ECE1: variants seen among roughly 807,000 people sequenced by gnomAD.
ECE1 encodes endothelin converting enzyme 1.
ECE1 carries 35 observed loss-of-function variants against 98.6 expected under a neutral mutation model. The observed-to-expected ratio is 0.35, with a 90% CI of 0.27 to 0.47. The LOEUF (loss-of-function observed/expected upper bound fraction) is 0.47. ECE1 is among the 20% of genes least tolerant of loss of function. The pLI is 1.00. For synonymous variants in ECE1, 394 were observed against 407.1 expected (o/e 0.97, Z 0.39); for missense variants, 814 against 1,025.3 (o/e 0.79, Z 2.81).
At chr1:21,256,589 C>G (rs2098220292) in intron 7 of ECE1, 1 of 152,210 alleles carries the variant, frequency 6.6e-6, no homozygotes, top group African/African-American at 2.4e-5. Flanking sequence ...CCGTGGGAGA[C>G]ACAGCATTGA....
chr1:21,285,811 G>A (rs1170800420), intron 2 of ECE1, among the ~76,000 whole-genome samples: 2 of 152,024 alleles, frequency 1.3e-5, no homozygotes, highest in African/African-American at 2.4e-5. Context: ...GGCCAACATG[G>A]TAAAACTCCA....
intron 1 of ECE1, among the ~76,000 whole-genome samples, chr1:21,343,749 G>A (rs1015953222): frequency 1.3e-5 from 2 of 152,204 alleles, no homozygotes; most frequent in African/African-American, 4.8e-5. Flanking sequence ...CAATAGGCTG[G>A]TGGGCTTCTT....
intron 1 of ECE1, among the ~76,000 whole-genome samples, chr1:21,324,461 T>C (rs1049593083): frequency 6.6e-6 from 1 of 152,172 alleles, no homozygotes; most frequent in African/African-American, 2.4e-5. Context: ...ACAGCTGTGG[T>C]TTACTGACTT....
At chr1:21,337,674 C>G (rs548425313) in intron 1 of ECE1, among the ~76,000 whole-genome samples, 25 of 152,346 alleles carry the variant, frequency 1.6e-4, no homozygotes, top group African/African-American at 6.0e-4. Flanking sequence ...TGCCAGCCCT[C>G]AGCTGGGCTA....
At chr1:21,271,556 G>A (rs2098240236) in intron 4 of ECE1, among the ~76,000 whole-genome samples, 2 of 152,042 alleles carry the variant, frequency 1.3e-5, no homozygotes, top group East Asian at 1.9e-4. Flanking sequence ...CAGCATTTAG[G>A]GTCCCAGGAT....
rs185668529 is a variant in ECE1, at chr1:21,246,949, C to T, written c.1163+272G>A. Among the ~76,000 whole-genome samples the T allele has an allele frequency of 2.6e-5, 4 of 152,216 alleles. No homozygotes were observed. In the East Asian group the frequency reaches 5.8e-4, roughly 22 times the overall value. On this transcript the variant is annotated intron_variant, in intron 9 of 18. Coordinates refer to ENST00000374893, the MANE Select transcript of ECE1 (RefSeq NM_001397.3). Reference sequence around the variant, plus strand: ...TCCCGCAATTACGGGCGTTCATGCCCGGCCACAGGTGATATTTGTATCACC... The same window carrying T: ...TCCCGCAATTACGGGCGTTCATGCCTGGCCACAGGTGATATTTGTATCACC...
At chr1:21,271,246 C>T (rs1041755206) in intron 4 of ECE1, among the ~76,000 whole-genome samples, 6 of 152,134 alleles carry the variant, frequency 3.9e-5, no homozygotes, top group East Asian at 1.9e-4. Context: ...TTTTACCTAG[C>T]GGCGGCTCTG....
In ECE1 at chr1:21,319,326, C is replaced by G. The variant is rs1439204646; in HGVS notation, c.3+26050G>C. On this transcript the variant is annotated intron_variant, in intron 1 of 18. Coordinates refer to the ECE1 transcript ENST00000415912. The surrounding 1 kb of genome is among the most constrained non-coding windows in gnomAD (Gnocchi z 4.4). ...CATCACTGCTTTCCAGCCTGGGAGA[C>G]AGAGCGAGACTCCGTCTCAAAATAA... is the stretch of plus-strand genomic sequence containing the variant. 6.6e-6 allele frequency among the ~76,000 whole-genome samples: 1 copy of G among 152,142 alleles called. No individual in the cohort carries two copies. The highest frequency in any genetic ancestry group is 1.5e-5 in the Non-Finnish European group (1 of 68,022).
At position 21,228,058 on chromosome 1, in the gene ECE1, T is replaced by C. The variant is rs1398431636; in HGVS notation, c.1671-17A>G. 18 of 1,548,934 alleles carry C rather than the reference T, an allele frequency of 1.2e-5. No individual in the cohort carries two copies. The highest frequency in any genetic ancestry group is 1.6e-5 in the Non-Finnish European group (18 of 1,144,690). On this transcript the variant is annotated splice_polypyrimidine_tract_variant and intron_variant, in intron 14 of 18. Coordinates refer to ENST00000374893, the MANE Select transcript of ECE1 (RefSeq NM_001397.3). ...ATGCTCCACCTGCAAGCAACACACA[T>C]GCAGGAGGTCTCAGCACAGGGCGGG...
chr1:21,286,081 C>T (rs1342065229), intron 2 of ECE1, among the ~76,000 whole-genome samples: 1 of 151,938 alleles, frequency 6.6e-6, no homozygotes, highest in African/African-American at 2.4e-5. Context: ...AATATCTCAC[C>T]TTTCTTTTTT....
Position 21,258,972 on chromosome 1 carries a change from G to GA in ECE1, c.616-134dup. The GA allele has an allele frequency of 7.8e-7, 1 of 1,287,540 alleles. No homozygotes were observed. Among genetic ancestry groups the GA allele is most frequent in the Middle Eastern group, 2.7e-4 (1 of 3,770 alleles). 79.8% of individuals were successfully genotyped at this position (1,287,540 alleles called of 1,614,324 possible). Reference sequence around the variant, plus strand: ...ACCTCTCTGAGCCTCAAGAGCAAAGGAAAGGATTGGTCTTCATCGGGGGTT... The same window carrying GA: ...ACCTCTCTGAGCCTCAAGAGCAAAGGAAAAGGATTGGTCTTCATCGGGGGTT... On this transcript the variant is annotated intron_variant, in intron 5 of 18. Coordinates refer to ENST00000374893, the MANE Select transcript of ECE1 (RefSeq NM_001397.3). The surrounding 1 kb of genome is among the most constrained non-coding windows in gnomAD (Gnocchi z 4.2).
intron 18 of ECE1, among the ~76,000 whole-genome samples, chr1:21,221,013 C>T (rs924324475): frequency 2.0e-5 from 3 of 152,184 alleles, no homozygotes; most frequent in South Asian, 2.1e-4. Context: ...CAACTGCATT[C>T]GATTCCATCT....
intron 2 of ECE1, among the ~76,000 whole-genome samples, chr1:21,283,409 T>C (rs888492813): frequency 6.6e-5 from 10 of 152,044 alleles, no homozygotes; most frequent in African/African-American, 2.4e-4. Flanking sequence ...TAGCTGGGAT[T>C]ACAGGTGTCC....
intron 14 of ECE1, 80 bp from the exon 15 acceptor site, chr1:21,228,121 G>A (rs2098176847): frequency 1.7e-6 from 2 of 1,165,214 alleles, no homozygotes; most frequent in East Asian, 2.6e-5. Flanking sequence ...CGCTGCTTGG[G>A]GATCGGGAAT....
chr1:21,288,642 G>A (rs1460837647), intron 2 of ECE1, among the ~76,000 whole-genome samples: 1 of 152,236 alleles, frequency 6.6e-6, no homozygotes, highest in East Asian at 1.9e-4. Flanking sequence ...AGACCCTTCT[G>A]TGGAAGATGA....
At chr1:21,298,955 T>C in intron 1 of ECE1, 1 of 452,260 alleles carries the variant, frequency 2.2e-6, no homozygotes, top group Non-Finnish European at 4.4e-6. Context: ...TACCCACAGA[T>C]GCCCCTGCAC....
At chr1:21,268,966 G>A (rs1343886584) in intron 4 of ECE1, among the ~76,000 whole-genome samples, 2 of 152,214 alleles carry the variant, frequency 1.3e-5, no homozygotes, top group African/African-American at 2.4e-5. Flanking sequence ...TATGTCTTCC[G>A]GGGAAGCCCC....
intron 10 of ECE1, among the ~76,000 whole-genome samples, chr1:21,243,501 G>A (rs754011009): frequency 5.9e-5 from 9 of 151,828 alleles, no homozygotes; most frequent in East Asian, 1.9e-4. Flanking sequence ...CTACAGGCGT[G>A]AGCCACCACA....
chr1:21,295,921 T>C (rs531862997), intron 1 of ECE1, among the ~76,000 whole-genome samples: 2 of 152,268 alleles, frequency 1.3e-5, no homozygotes, highest in South Asian at 2.1e-4. Context: ...AAAAGGGCCA[T>C]TGTAAATACC....
Sources: gnomAD v4.1 joint callset for allele counts (sites outside exome capture counted in the v4.1 genomes callset) on GRCh38, gnomAD v4.1.1 for gene constraint, Gnocchi (gnomAD v3.1) non-coding constraint, MANE v1.5 for transcripts, NCBI Gene and HGNC (gene_info 2026-07-23, HGNC 2026-07-21) for gene names.